Variants in RELN observed in about 807,000 individuals in gnomAD.
RELN encodes reelin.
Under a neutral mutation model 427.6 loss-of-function variants are expected in RELN, and 108 were observed. The observed-to-expected ratio is 0.25, with a 90% CI of 0.22 to 0.30. RELN has a LOEUF of 0.30. Ranked by LOEUF, RELN falls within the 10% of genes least tolerant of loss-of-function variation. The probability of loss-of-function intolerance (pLI) is 1.00; values close to 1 mark genes in which losing one functional copy is unlikely to be tolerated. For synonymous variants in RELN, 1,524 were observed against 1,513.4 expected (o/e 1.01, Z -0.16); for missense variants, 3,715 against 4,302.8 (o/e 0.86, Z 3.82).
chr7:103,607,167 C>G (rs1298879475), intron 22 of RELN, among the ~76,000 whole-genome samples: 9 of 151,652 alleles, frequency 5.9e-5, no homozygotes, highest in Non-Finnish European at 1.3e-4. Context: ...ATGGGTGCAG[C>G]ACACCAACAT....
chr7:103,974,532 CT>C (rs34312339), intron 1 of RELN, among the ~76,000 whole-genome samples: 110,371 of 152,070 alleles, frequency 0.73, 41,211 homozygotes, highest in African/African-American at 0.91. Flanking sequence ...CTAACAAGTC[CT>C]TGGAAACATT....
chr7:103,496,417 G>C (rs752699746), intron 56 of RELN, 109 bp downstream of exon 56: 28 of 1,424,818 alleles, frequency 2.0e-5, no homozygotes, highest in African/African-American at 2.8e-5. Flanking sequence ...TTGAGCAGGA[G>C]TATGGGCTAG....
intron 40 of RELN, among the ~76,000 whole-genome samples, chr7:103,552,757 C>T (rs1830441699): frequency 6.6e-6 from 1 of 151,978 alleles, no homozygotes; most frequent in Non-Finnish European, 1.5e-5. Flanking sequence ...GCCTTGGCCT[C>T]CCAAACTCCT....
At chr7:103,781,060 A>G (rs980020145) in intron 3 of RELN, among the ~76,000 whole-genome samples, 2 of 152,200 alleles carry the variant, frequency 1.3e-5, no homozygotes, top group African/African-American at 4.8e-5. Flanking sequence ...TTTTAATCTA[A>G]AATGATCCCA....
At chr7:103,531,262 G>A (rs931814675) in intron 46 of RELN, among the ~76,000 whole-genome samples, 3 of 152,160 alleles carry the variant, frequency 2.0e-5, no homozygotes, top group Non-Finnish European at 2.9e-5. Context: ...AAAGCTCATA[G>A]GGGTGAAAAG....
intron 2 of RELN, among the ~76,000 whole-genome samples, chr7:103,852,386 T>C (rs1199405896): frequency 6.6e-6 from 1 of 152,180 alleles, no homozygotes; most frequent in African/African-American, 2.4e-5. Context: ...TGTGTTCACA[T>C]CCATTTCTGT....
chr7:103,665,343 T>A (rs1833238117), intron 11 of RELN, among the ~76,000 whole-genome samples: 1 of 128,828 alleles, frequency 7.8e-6, no homozygotes, highest in Non-Finnish European at 1.6e-5. Context: ...ATATGGTGTG[T>A]GTGTGTGTGT....
chr7:103,649,405 A>T (rs1486693714), intron 16 of RELN, among the ~76,000 whole-genome samples: 1 of 152,014 alleles, frequency 6.6e-6, no homozygotes, highest in Non-Finnish European at 1.5e-5. Flanking sequence ...TAGACAGTAG[A>T]ATAACAGGCA....
rs896528287 is a variant in RELN, at chr7:103,652,612, T to C, written c.1702A>G (p.Met568Val). 1.2e-5 allele frequency: 20 copies of C among 1,612,742 alleles called. No individual in the cohort carries two copies. The highest frequency in any genetic ancestry group is 1.7e-5 in the Non-Finnish European group (20 of 1,179,274). ...FHVLPVLPST[M>V]SHMIQFSINL... ...ATGGAAAACTGTATCATGTGAGACA[T>C]TGTAGAAGGGAGAACAGGCAAGACA... Residue 568 changes from methionine to valine, a missense_variant, in exon 14 of 65, where the codon ATG becomes GTG. Physicochemically the swap from Met to Val is conservative, Grantham distance 21. This residue lies in a region of RELN where 2,208 missense variants were observed against 2,361.7 expected (regional missense o/e 0.93). Transcript: ENST00000428762.
At chr7:103,808,386 G>C (rs991234036) in intron 3 of RELN, among the ~76,000 whole-genome samples, 6 of 151,750 alleles carry the variant, frequency 4.0e-5, no homozygotes, top group African/African-American at 1.5e-4. Flanking sequence ...TGTTGCGCAC[G>C]TGTACCCTAA....
chr7:103,548,629 G>GAAATA (rs1830350523), intron 41 of RELN, among the ~76,000 whole-genome samples: 1 of 152,206 alleles, frequency 6.6e-6, no homozygotes, highest in South Asian at 2.1e-4. Flanking sequence ...TCTTTTCATG[G>GAAATA]AAATAAAAAT....
intron 33 of RELN, 55 bp downstream of exon 33, chr7:103,566,169 A>C: frequency 2.1e-6 from 3 of 1,451,890 alleles, no homozygotes; most frequent in Non-Finnish European, 2.9e-6. Context: ...ACTTTTAGTT[A>C]ATTTAGTCCT....
In RELN at chr7:103,506,842, T is replaced by A. The variant is rs755091288; in HGVS notation, c.8275-3612A>T. Among the ~76,000 whole-genome samples, 103 of 152,282 alleles carry A rather than the reference T, an allele frequency of 6.8e-4. 1 individual carries two copies. The highest frequency in any genetic ancestry group is 1.3e-3 in the Non-Finnish European group (91 of 68,022). ...TCAAAATAAAGGGATGGAGGAATAT[T>A]TATCAAGCAAACGGAAAGCACAAAA... On this transcript the variant is annotated intron_variant, in intron 51 of 64. Coordinates refer to ENST00000428762, the MANE Select transcript of RELN (RefSeq NM_005045.4).
chr7:103,812,016 G>A (rs1391148372), intron 3 of RELN, among the ~76,000 whole-genome samples: 1 of 152,192 alleles, frequency 6.6e-6, no homozygotes, highest in African/African-American at 2.4e-5. Flanking sequence ...GCTTTGCCTT[G>A]TTGCATCCAT....
At chr7:103,628,530 AT>A (rs1436886731) in intron 20 of RELN, among the ~76,000 whole-genome samples, 2 of 152,212 alleles carry the variant, frequency 1.3e-5, no homozygotes, top group African/African-American at 4.8e-5. Flanking sequence ...ATTAGCTGTC[AT>A]TTTGATGCTA....
At chr7:103,680,201 G>A (rs987152560) in intron 11 of RELN, among the ~76,000 whole-genome samples, 5 of 152,036 alleles carry the variant, frequency 3.3e-5, no homozygotes, top group African/African-American at 1.2e-4. Flanking sequence ...AGTGGAGGGT[G>A]AGAAGGAGAG....
chr7:103,936,389 C>T (rs767649291), intron 1 of RELN, among the ~76,000 whole-genome samples: 10 of 152,040 alleles, frequency 6.6e-5, no homozygotes, highest in Non-Finnish European at 1.5e-4. Context: ...CACTGCACCT[C>T]GCCTGGCTTC....
Position 103,561,449 on chromosome 7 carries a change from A to G in RELN, c.5529+83T>C, listed in dbSNP as rs1203653696. 4 of 1,084,780 alleles carry G rather than the reference A, an allele frequency of 3.7e-6. No individual in the cohort carries two copies. In the African/African-American group the frequency reaches 4.6e-5, roughly 13 times the overall value. The allele number at this position is 1,084,780 out of a possible 1,614,324, so 67.2% of individuals were successfully genotyped here. On this transcript the variant is annotated intron_variant, in intron 36 of 64. Transcript: ENST00000428762. ...AATATTATGTCATTTGAAGAGATTCAGAAATCCATTTGTGTTGAGCAGTGA... is the reference window on the plus strand; with the variant it reads ...AATATTATGTCATTTGAAGAGATTCGGAAATCCATTTGTGTTGAGCAGTGA...
At chr7:103,900,209 G>T (rs1795053191) in intron 2 of RELN, among the ~76,000 whole-genome samples, 1 of 152,040 alleles carries the variant, frequency 6.6e-6, no homozygotes, top group Admixed American at 6.6e-5. Flanking sequence ...GCTACTAAGA[G>T]AATAAAACAC....
Sources: gnomAD v4.1 joint callset for allele counts (sites outside exome capture counted in the v4.1 genomes callset) on GRCh38, gnomAD v4.1.1 for gene constraint, gnomAD v4.1.1 regional missense constraint, MANE v1.5 for transcripts, NCBI Gene and HGNC (gene_info 2026-07-23, HGNC 2026-07-21) for gene names.